The following MYO1B variants were observed in gnomAD, a reference collection of about 807,000 sequenced individuals.
The protein encoded by MYO1B is unconventional myosin-Ib.
MYO1B carries 72 observed loss-of-function variants against 159.7 expected under a neutral mutation model. The observed-to-expected ratio is 0.45, with a 90% confidence interval of 0.37 to 0.55. The LOEUF (loss-of-function observed/expected upper bound fraction) is 0.55. Among genes scored for constraint, MYO1B ranks in the 20% least tolerant of loss-of-function variants. The probability of loss-of-function intolerance (pLI) is 0.00; values close to 1 mark genes in which losing one functional copy is unlikely to be tolerated. For missense variants in MYO1B, 1,062 were observed against 1,364.8 expected (o/e 0.78, Z 3.50); for synonymous variants, 468 against 473.8 (o/e 0.99, Z 0.16).
chr2:191,424,131 T>TA lies in MYO1B; in HGVS notation c.*171_*172insA. 1.4e-6 allele frequency: 1 copy of TA among 739,314 alleles called. No individual in the cohort carries two copies. The highest frequency in any genetic ancestry group is 2.2e-6 in the Non-Finnish European group (1 of 455,178). The allele number at this position is 739,314 out of a possible 1,614,324, so 45.8% of individuals were successfully genotyped here. On this transcript the variant is annotated 3_prime_UTR_variant, in exon 31 of 31. Transcript: ENST00000392318. ...TTTTATTATTGGAATAGTTTTAACC[T>TA]TTCAAATACATGTTCTGTCCTGGAG... is the stretch of plus-strand genomic sequence containing the variant.
intron 17 of MYO1B, among the ~76,000 whole-genome samples, chr2:191,389,604 T>C (rs1695619173): frequency 6.6e-6 from 1 of 152,202 alleles, no homozygotes; most frequent in Non-Finnish European, 1.5e-5. Flanking sequence ...ACTTCCCCTC[T>C]GATCCTAGTG....
At chr2:191,337,639 A>G (rs139437467) in intron 4 of MYO1B, among the ~76,000 whole-genome samples, 4,765 of 152,058 alleles carry the variant, frequency 0.031, 89 homozygotes, top group Middle Eastern at 0.044. Flanking sequence ...AGTTACATTC[A>G]AACATATATA....
chr2:191,281,378 T>C (rs894491491), intron 2 of MYO1B, among the ~76,000 whole-genome samples: 1 of 151,476 alleles, frequency 6.6e-6, no homozygotes, highest in Non-Finnish European at 1.5e-5. Context: ...GAGACTCTAT[T>C]TGCTTTTTAT....
intron 3 of MYO1B, among the ~76,000 whole-genome samples, chr2:191,312,922 T>C (rs1372087043): frequency 4.6e-5 from 7 of 152,188 alleles, no homozygotes; most frequent in Non-Finnish European, 1.0e-4. Flanking sequence ...ACTGACAAAA[T>C]TCCCACCTAT....
At chr2:191,288,254 AAAAG>A (rs1490295544) in intron 2 of MYO1B, among the ~76,000 whole-genome samples, 7 of 151,890 alleles carry the variant, frequency 4.6e-5, no homozygotes, top group Non-Finnish European at 8.8e-5. Context: ...AAAAAAAAAA[AAAAG>A]AAGAAAGAAA....
intron 1 of MYO1B, among the ~76,000 whole-genome samples, chr2:191,257,183 ACT>A (rs1475990854): frequency 6.6e-6 from 1 of 152,104 alleles, no homozygotes; most frequent in African/African-American, 2.4e-5. Flanking sequence ...ATAACTTTTC[ACT>A]CTCAGAAATC....
chr2:191,363,902 T>C (rs765554977), intron 10 of MYO1B, 27 bp downstream of exon 10: 8 of 1,611,044 alleles, frequency 5.0e-6, no homozygotes, highest in Non-Finnish European at 5.9e-6. Flanking sequence ...TCAACTTTGT[T>C]TGTTTAGGAA....
intron 3 of MYO1B, among the ~76,000 whole-genome samples, chr2:191,329,482 A>G (rs551484688): frequency 6.6e-6 from 1 of 151,986 alleles, no homozygotes; most frequent in South Asian, 2.1e-4. Context: ...ACGTTATCCA[A>G]TTTTAGACAT....
chr2:191,394,567 G>A (rs867402739), intron 20 of MYO1B, among the ~76,000 whole-genome samples: 5 of 152,136 alleles, frequency 3.3e-5, no homozygotes, highest in Admixed American at 3.3e-4. Flanking sequence ...ACGCATTTAA[G>A]CAAACAAATA....
intron 3 of MYO1B, among the ~76,000 whole-genome samples, chr2:191,315,502 A>G (rs1690292440): frequency 6.6e-6 from 1 of 152,248 alleles, no homozygotes; most frequent in African/African-American, 2.4e-5. Flanking sequence ...GTGAAAGTTA[A>G]TACCATGACA....
At chr2:191,350,356 G>A in intron 7 of MYO1B, 131 bp downstream of exon 7, 2 of 577,562 alleles carry the variant, frequency 3.5e-6, no homozygotes, top group South Asian at 5.5e-5. Flanking sequence ...TAGACTTTAA[G>A]CTTTGCATTT....
chr2:191,350,262 G>C, intron 7 of MYO1B, 37 bp downstream of exon 7: 3 of 1,466,796 alleles, frequency 2.0e-6, no homozygotes, highest in Non-Finnish European at 2.9e-6. Context: ...AAGAAGTTCA[G>C]AATACTAAAA....
intron 24 of MYO1B, among the ~76,000 whole-genome samples, chr2:191,407,121 A>C (rs1696964890): frequency 1.3e-5 from 2 of 152,198 alleles, no homozygotes; most frequent in South Asian, 4.1e-4. Flanking sequence ...ATCTTAGACA[A>C]CTTTAAGAGA....
At chr2:191,334,349 A>G (rs2125929032) in intron 4 of MYO1B, among the ~76,000 whole-genome samples, 1 of 152,026 alleles carries the variant, frequency 6.6e-6, no homozygotes, top group East Asian at 1.9e-4. Flanking sequence ...CCATCTCCTG[A>G]TGGGCTCATG....
chr2:191,376,372 C>T (rs779313392), intron 13 of MYO1B, among the ~76,000 whole-genome samples: 3 of 151,958 alleles, frequency 2.0e-5, no homozygotes, highest in Non-Finnish European at 2.9e-5. Context: ...AAAAATGGAC[C>T]GTGGTTAAGT....
At chr2:191,306,129 G>A (rs1208001742) in intron 3 of MYO1B, among the ~76,000 whole-genome samples, 8 of 152,200 alleles carry the variant, frequency 5.3e-5, no homozygotes, top group Non-Finnish European at 8.8e-5. Context: ...GAAACAACGT[G>A]GGGAAGGGGC....
chr2:191,360,748 GTGGTGTTGTTGTTGTTGT>G lies in MYO1B; in HGVS notation c.661+22_661+39del, dbSNP rs1693609903. ...CTCCTCAGTAAGTCTCTGTTTCTAT[GTGGTGTTGTTGTTGTTGT>G]TGTTGTTGTTGTTGTTGTTGTTGGA... On this transcript the variant is annotated intron_variant, in intron 8 of 30. Transcript: ENST00000392318. 1 of 1,122,222 alleles carries G rather than the reference GTGGTGTTGTTGTTGTTGT, an allele frequency of 8.9e-7. No homozygotes were observed. The highest frequency in any genetic ancestry group is 2.2e-5 in the Admixed American group (1 of 44,784). The allele number at this position is 1,122,222 out of a possible 1,614,324, so 69.5% of individuals were successfully genotyped here. A position where few individuals can be genotyped will look rare whatever the true frequency, so the allele number is the denominator to read the frequency against.
intron 3 of MYO1B, among the ~76,000 whole-genome samples, chr2:191,309,166 C>G (rs776095188): frequency 6.6e-6 from 1 of 152,208 alleles, no homozygotes; most frequent in Non-Finnish European, 1.5e-5. Flanking sequence ...CCTTAGCACG[C>G]TTCAAACCAG....
chr2:191,328,302 G>A (rs1186722370), intron 3 of MYO1B, among the ~76,000 whole-genome samples: 1 of 152,188 alleles, frequency 6.6e-6, no homozygotes, highest in Non-Finnish European at 1.5e-5. Context: ...GGTGTGAACA[G>A]CTCTCTGTGA....
Sources: gnomAD v4.1 joint callset for allele counts (sites outside exome capture counted in the v4.1 genomes callset) on GRCh38, gnomAD v4.1.1 for gene constraint, MANE v1.5 for transcripts, NCBI Gene and HGNC (gene_info 2026-07-23, HGNC 2026-07-21) for gene names.